Variants in MYO1H observed in about 807,000 individuals in gnomAD.
MYO1H encodes myosin IH, also known as unconventional myosin-Ih.
In MYO1H, 118 loss-of-function variants were observed where a neutral mutation model predicts 149.3. The ratio of observed to expected loss-of-function variants is 0.79; its 90% CI spans 0.68 to 0.92. MYO1H has a LOEUF of 0.92. MYO1H is among the 40% of genes least tolerant of loss of function. MYO1H has a pLI of 0.00. For missense variants in MYO1H, 1,212 were observed against 1,280.7 expected (o/e 0.95, Z 0.82); for synonymous variants, 447 against 465.2 (o/e 0.96, Z 0.50).
At chr12:109,325,189 A>C in the MYO1H span, among the ~76,000 whole-genome samples, 147 of 152,330 alleles carry the variant, frequency 9.7e-4, no homozygotes, top group African/African-American at 3.3e-3. Context: ...ATACATGTGC[A>C]TGTGTCTTTA....
chr12:109,390,662 G>GTT (rs1436370152), intron 2 of MYO1H, among the ~76,000 whole-genome samples: 49 of 150,494 alleles, frequency 3.3e-4, no homozygotes, highest in African/African-American at 1.2e-3. Context: ...TTTCTTGTTT[G>GTT]TTTGTTTTTT....
chr12:109,412,582 T>C (rs75985296), intron 14 of MYO1H, among the ~76,000 whole-genome samples: 5,544 of 152,178 alleles, frequency 0.036, 363 homozygotes, highest in African/African-American at 0.13. Flanking sequence ...GTGATATGTG[T>C]AGATCTGAAA....
At chr12:109,415,906 CATTTTATTTT>C (rs78343064) in intron 15 of MYO1H, among the ~76,000 whole-genome samples, 22,922 of 144,434 alleles carry the variant, frequency 0.16, 2,397 homozygotes, top group African/African-American at 0.29. Context: ...TACCACCATT[CATTTTATTTT>C]ATTTTATTTT....
At chr12:109,418,618 G>A (rs7967774) in intron 15 of MYO1H, among the ~76,000 whole-genome samples, 3 of 151,944 alleles carry the variant, frequency 2.0e-5, no homozygotes, top group Non-Finnish European at 4.4e-5. Context: ...GCAAGATCTC[G>A]GCTCACTGCA....
chr12:109,344,657 G>C (rs574058539), upstream of MYO1H, among the ~76,000 whole-genome samples: 5 of 152,252 alleles, frequency 3.3e-5, no homozygotes, highest in Non-Finnish European at 5.9e-5. Context: ...GGAAATGCAA[G>C]GGACCCAGAA....
At chr12:109,441,200 GA>G (rs779576614) in intron 25 of MYO1H, among the ~76,000 whole-genome samples, 6 of 152,172 alleles carry the variant, frequency 3.9e-5, no homozygotes, top group Non-Finnish European at 7.3e-5. Context: ...TTCTCTGTTG[GA>G]ATTACTCAAC....
chr12:109,371,196 T>C (rs942060266), intron 1 of MYO1H, among the ~76,000 whole-genome samples: 68 of 148,864 alleles, frequency 4.6e-4, no homozygotes, highest in Non-Finnish European at 6.7e-4. Flanking sequence ...CGTACATTGG[T>C]TTTCTTTTTT....
At chr12:109,387,288 T>G (rs1410941263) in intron 1 of MYO1H, among the ~76,000 whole-genome samples, 6 of 152,196 alleles carry the variant, frequency 3.9e-5, no homozygotes, top group Admixed American at 6.5e-5. Context: ...TGGAAATGTT[T>G]TCCATTTCTG....
At chr12:109,380,061 C>G (rs1363158898) in intron 1 of MYO1H, among the ~76,000 whole-genome samples, 1 of 151,968 alleles carries the variant, frequency 6.6e-6, no homozygotes, top group East Asian at 1.9e-4. Flanking sequence ...ATTTTTATTT[C>G]ATTTTTTACT....
chr12:109,397,863 T>A, intron 5 of MYO1H, 51 bp downstream of exon 5: 1 of 1,441,924 alleles, frequency 6.9e-7, no homozygotes, highest in Non-Finnish European at 9.4e-7. Context: ...ATTTTGCCAG[T>A]GACGGAACCC....
exon 32 of MYO1H, chr12:109,447,970 G>A (rs1343802919): frequency 6.6e-6 from 1 of 152,250 alleles, no homozygotes; most frequent in Non-Finnish European, 1.5e-5. Flanking sequence ...TGCCACGCTT[G>A]TGACTGGGGA....
At chr12:109,396,814 G>GTTTTTTTTTTTTTTTTTTTTTTTTTTTT (rs60551691) in intron 4 of MYO1H, among the ~76,000 whole-genome samples, 1 of 51,088 alleles carries the variant, frequency 2.0e-5, no homozygotes, top group African/African-American at 6.3e-5. Context: ...TTTTGGTTTC[G>GTTTTTTTTTTTTTTTTTTTTTTTTTTTT]TTTTTTTTTT....
chr12:109,393,472 C>T (rs1869753303), intron 3 of MYO1H, 26 bp downstream of exon 3: 1 of 1,475,014 alleles, frequency 6.8e-7, no homozygotes, highest in African/African-American at 1.4e-5. Context: ...AGGATCATCA[C>T]TAGGAGGATT....
intron 16 of MYO1H, among the ~76,000 whole-genome samples, chr12:109,421,437 G>C (rs1421745641): frequency 1.3e-5 from 2 of 152,186 alleles, no homozygotes; most frequent in Non-Finnish European, 2.9e-5. Flanking sequence ...TAGGTGATTA[G>C]AGAAAACACC....
intron 3 of MYO1H, among the ~76,000 whole-genome samples, chr12:109,394,098 T>C (rs922766138): frequency 1.3e-5 from 2 of 152,216 alleles, no homozygotes; most frequent in Non-Finnish European, 2.9e-5. Context: ...CATAACATTT[T>C]CTGTTTTATG....
intron 2 of MYO1H, among the ~76,000 whole-genome samples, chr12:109,389,071 T>C (rs1205250586): frequency 1.3e-5 from 2 of 152,182 alleles, no homozygotes; most frequent in Non-Finnish European, 2.9e-5. Flanking sequence ...AATCTGTCCA[T>C]GTCTGTTACT....
At position 109,385,050 on chromosome 12, in the gene MYO1H, T is replaced by C. The variant is rs377573771; in HGVS notation, c.13-3633T>C. Among the ~76,000 whole-genome samples the C allele has an allele frequency of 2.2e-4, 34 of 152,338 alleles. No homozygotes were observed. The South Asian group carries it at 6.6e-3, about 30-fold the overall frequency. On this transcript the variant is annotated intron_variant, in intron 1 of 31. Transcript: ENST00000310903. ...TTAAATTGTGCCTGGCAGGGTTCCA[T>C]GTGCTTTACATGGTTCTGGTGAAAC...
chr12:109,419,187 T>TACACAC (rs59471788), intron 15 of MYO1H, among the ~76,000 whole-genome samples: 48 of 148,770 alleles, frequency 3.2e-4, no homozygotes, highest in African/African-American at 6.1e-4. Context: ...TATGTGAGGA[T>TACACAC]ACACACACAC....
the MYO1H span, among the ~76,000 whole-genome samples, chr12:109,325,112 G>A: frequency 1.3e-5 from 2 of 152,220 alleles, no homozygotes; most frequent in South Asian, 2.1e-4. Flanking sequence ...TCTTTATCTA[G>A]TCTATCATTG....
Sources: gnomAD v4.1 joint callset for allele counts (sites outside exome capture counted in the v4.1 genomes callset) on GRCh38, gnomAD v4.1.1 for gene constraint, MANE v1.5 for transcripts, NCBI Gene and HGNC (gene_info 2026-07-23, HGNC 2026-07-21) for gene names.